Variants in FUBP1 observed in about 807,000 individuals in gnomAD.
FUBP1 encodes the protein far upstream element-binding protein 1.
In FUBP1, 16 loss-of-function variants were observed where a neutral mutation model predicts 94.9. That is an observed-to-expected ratio of 0.17 (90% CI 0.11 to 0.26). FUBP1 has a LOEUF of 0.26. Ranked by LOEUF, FUBP1 falls within the 10% of genes least tolerant of loss-of-function variation. FUBP1 has a pLI of 1.00. For synonymous variants in FUBP1, 279 were observed against 254.9 expected (o/e 1.09, Z -0.90); for missense variants, 583 against 808.6 (o/e 0.72, Z 3.38).
chr1:77,955,246 A>T lies in FUBP1; in HGVS notation c.1780+9T>A, dbSNP rs1343562368. On this transcript the variant is annotated intron_variant, in intron 18 of 19. Transcript: ENST00000370768. ...AAGTATGTATTTTCAAGAAATGTAT[A>T]AAACATACCCATTTTCTTGTAGTAC... is the stretch of plus-strand genomic sequence containing the variant. 4 of 1,177,778 alleles carry T rather than the reference A, an allele frequency of 3.4e-6. No homozygotes were observed. The highest frequency in any genetic ancestry group is 5.1e-6 in the Non-Finnish European group (4 of 782,752). 73.0% of individuals were successfully genotyped at this position (1,177,778 alleles called of 1,614,324 possible).
chr1:77,949,327 G>A (rs779496471), intron 18 of FUBP1, 27 bp from the exon 19 acceptor site: 1 of 1,597,558 alleles, frequency 6.3e-7, no homozygotes, highest in South Asian at 1.1e-5. Flanking sequence ...CTTTGTTGCT[G>A]TAACCACAAT....
At chr1:77,949,813 G>C (rs1329906480) in intron 18 of FUBP1, among the ~76,000 whole-genome samples, 1 of 152,144 alleles carries the variant, frequency 6.6e-6, no homozygotes, top group Non-Finnish European at 1.5e-5. Context: ...TTAAGACCTA[G>C]CCAAGACTTT....
At chr1:77,966,803 T>C (rs1312101575) in intron 6 of FUBP1, 52 bp from the exon 7 acceptor site, 2 of 1,297,220 alleles carry the variant, frequency 1.5e-6, no homozygotes, top group Non-Finnish European at 2.2e-6. Flanking sequence ...AAAAGTAGCA[T>C]TATTGTTACT....
chr1:77,967,717 CTTATATAT>C lies in FUBP1; in HGVS notation c.251-59_251-52del, dbSNP rs576528853. ...AACAAAAATTCAAAATTTAAATTTA[CTTATATAT>C]TTAACAACACAATCACATCAAACAT... On this transcript the variant is annotated intron_variant, in intron 3 of 19. Transcript: ENST00000370768. 2.9e-3 allele frequency: 3,081 copies of C among 1,077,014 alleles called. 5 individuals carry two copies. The highest frequency in any genetic ancestry group is 3.7e-3 in the Non-Finnish European group (2,710 of 727,352). 66.7% of individuals were successfully genotyped at this position (1,077,014 alleles called of 1,614,324 possible).
At chr1:77,978,614 G>T (rs551788377) in intron 1 of FUBP1, among the ~76,000 whole-genome samples, 2 of 152,300 alleles carry the variant, frequency 1.3e-5, no homozygotes, top group African/African-American at 4.8e-5. Flanking sequence ...TAGCTCACTG[G>T]AGACACGCGA....
At chr1:77,961,624 T>C (rs1331009393) in intron 14 of FUBP1, among the ~76,000 whole-genome samples, 1 of 152,160 alleles carries the variant, frequency 6.6e-6, no homozygotes, top group East Asian at 1.9e-4. Flanking sequence ...AACCAGTAAA[T>C]GATTCACAGA....
chr1:77,962,273 GTATAT>G (rs2102367259), intron 14 of FUBP1, among the ~76,000 whole-genome samples: 1 of 152,244 alleles, frequency 6.6e-6, no homozygotes, highest in South Asian at 2.1e-4. Flanking sequence ...GTCTGTCTCT[GTATAT>G]TATGTGTAGG....
Position 77,947,831 on chromosome 1 carries a change from G to A in FUBP1, c.*935C>T. The A allele has an allele frequency of 1.8e-6, 2 of 1,115,474 alleles. No homozygotes were observed. The highest frequency in any genetic ancestry group is 2.3e-6 in the Non-Finnish European group (2 of 886,868). 69.1% of individuals were successfully genotyped at this position (1,115,474 alleles called of 1,614,324 possible). ...TCCATACCCCATTTATGTTTCAATGGCAGATGCAATGTAGCTATACTTTTT... is the reference window on the plus strand; with the variant it reads ...TCCATACCCCATTTATGTTTCAATGACAGATGCAATGTAGCTATACTTTTT... On this transcript the variant is annotated 3_prime_UTR_variant, in exon 20 of 20. Coordinates refer to ENST00000370768, the MANE Select transcript of FUBP1 (RefSeq NM_003902.5).
At chr1:77,977,610 A>T (rs1471561893) in intron 1 of FUBP1, among the ~76,000 whole-genome samples, 1 of 152,212 alleles carries the variant, frequency 6.6e-6, no homozygotes, top group Non-Finnish European at 1.5e-5. Flanking sequence ...AAAATAAAAT[A>T]GTTGGTTCCA....
intron 18 of FUBP1, among the ~76,000 whole-genome samples, chr1:77,952,940 C>T (rs889597935): frequency 6.6e-6 from 1 of 151,518 alleles, no homozygotes; most frequent in African/African-American, 2.4e-5. Flanking sequence ...GAGTTCGAGA[C>T]CAGCCTGGCC....
intron 13 of FUBP1, 57 bp downstream of exon 13, chr1:77,963,517 A>G (rs1253485311): frequency 7.9e-6 from 8 of 1,009,458 alleles, no homozygotes; most frequent in Non-Finnish European, 1.2e-5. Flanking sequence ...ACAGCAACAG[A>G]AAGTGTCCAG....
chr1:77,962,077 G>GCA (rs1281477524), intron 14 of FUBP1, among the ~76,000 whole-genome samples: 3 of 152,168 alleles, frequency 2.0e-5, no homozygotes, highest in African/African-American at 7.2e-5. Context: ...CACACTTTGT[G>GCA]TTAAAAACTC....
intron 14 of FUBP1, among the ~76,000 whole-genome samples, chr1:77,962,196 C>G (rs947258511): frequency 2.0e-5 from 3 of 152,136 alleles, no homozygotes; most frequent in Non-Finnish European, 4.4e-5. Flanking sequence ...TTTGTCTGTG[C>G]ACCAGAATCA....
At chr1:77,964,573 A>T in intron 10 of FUBP1, 73 bp downstream of exon 10, 2 of 891,182 alleles carry the variant, frequency 2.2e-6, no homozygotes, top group Non-Finnish European at 3.7e-6. Context: ...AGAGCTACTT[A>T]ACACAAAACA....
At chr1:77,955,549 G>A in intron 17 of FUBP1, 1 of 454,908 alleles carries the variant, frequency 2.2e-6, no homozygotes, top group South Asian at 3.9e-5. Flanking sequence ...TTTGAAGACT[G>A]GTTATGTTGA....
chr1:77,954,651 G>A (rs1654113202), intron 18 of FUBP1, among the ~76,000 whole-genome samples: 1 of 152,288 alleles, frequency 6.6e-6, no homozygotes, highest in Non-Finnish European at 1.5e-5. Flanking sequence ...TTCTGCTAGT[G>A]AAGGATAACC....
rs1658310440 is a variant in FUBP1 at position 77,974,865 on chromosome 1, G to A, written c.120+4020C>T. 2.6e-5 allele frequency among the ~76,000 whole-genome samples: 4 copies of A among 152,274 alleles called. No homozygotes were observed. The South Asian group carries it at 6.2e-4, about 24-fold the overall frequency. On this transcript the variant is annotated intron_variant, in intron 1 of 19. Coordinates refer to ENST00000370768, the MANE Select transcript of FUBP1 (RefSeq NM_003902.5). ...CTCAGAAAATCTCTAAAATCAGGTGGTATGATCAACTATAGTCCCTCAGTA... is the reference window on the plus strand; with the variant it reads ...CTCAGAAAATCTCTAAAATCAGGTGATATGATCAACTATAGTCCCTCAGTA...
At chr1:77,955,759 T>C (rs1408410345) in intron 17 of FUBP1, among the ~76,000 whole-genome samples, 1 of 151,352 alleles carries the variant, frequency 6.6e-6, no homozygotes, top group Non-Finnish European at 1.5e-5. Flanking sequence ...TAGGTATGCA[T>C]GTATGTAAAT....
intron 4 of FUBP1, among the ~76,000 whole-genome samples, chr1:77,967,411 A>C (rs1389917076): frequency 5.9e-5 from 9 of 152,200 alleles, no homozygotes; most frequent in Non-Finnish European, 1.3e-4. Flanking sequence ...TGTTCTTCTA[A>C]AATGTGGTTA....
Sources: allele counts gnomAD v4.1 joint callset (sites outside exome capture counted in the v4.1 genomes callset), GRCh38; gene constraint gnomAD v4.1.1; transcripts MANE v1.5; gene names NCBI Gene and HGNC (gene_info 2026-07-23, HGNC 2026-07-21).